Variants in PDE8B observed in about 807,000 individuals in gnomAD.
PDE8B encodes the protein phosphodiesterase 8B, also known as high affinity cAMP-specific and IBMX-insensitive 3',5'-cyclic phosphodiesterase 8B.
In PDE8B, 26 loss-of-function variants were observed where a neutral mutation model predicts 101.3. The ratio of observed to expected loss-of-function variants is 0.26; its 90% CI spans 0.19 to 0.36. PDE8B has a LOEUF of 0.36. PDE8B is among the 10% of genes least tolerant of loss of function. The probability of loss-of-function intolerance (pLI) is 1.00; values close to 1 mark genes in which losing one functional copy is unlikely to be tolerated. For synonymous variants in PDE8B, 424 were observed against 429.3 expected, an observed-to-expected ratio of 0.99 and a Z score of 0.15; for missense variants, 810 against 1,163.1, an observed-to-expected ratio of 0.70 and a Z score of 4.42.
At chr5:77,394,597 C>G (rs138107637) in intron 10 of PDE8B, among the ~76,000 whole-genome samples, 7 of 152,160 alleles carry the variant, frequency 4.6e-5, no homozygotes, top group Non-Finnish European at 1.0e-4. Context: ...TAATATTGCT[C>G]AAAGGGCAGA....
chr5:77,132,412 A>G, the PDE8B span, among the ~76,000 whole-genome samples: 4 of 152,216 alleles, frequency 2.6e-5, no homozygotes, highest in African/African-American at 7.2e-5. Flanking sequence ...TAGTTATAGG[A>G]CAGTTCTTCT....
At chr5:77,342,896 A>C (rs1395988055) in intron 6 of PDE8B, among the ~76,000 whole-genome samples, 1 of 152,212 alleles carries the variant, frequency 6.6e-6, no homozygotes, top group African/African-American at 2.4e-5. Context: ...ACAGCAAAAA[A>C]GGAGAAAAAA....
intron 17 of PDE8B, among the ~76,000 whole-genome samples, chr5:77,416,930 C>G (rs778528444): frequency 3.2e-4 from 49 of 152,146 alleles, no homozygotes; most frequent in Non-Finnish European, 6.8e-4. Flanking sequence ...CTTACGTTTC[C>G]TGAACAGACC....
At chr5:77,375,771 G>T (rs775281924) in intron 10 of PDE8B, among the ~76,000 whole-genome samples, 5 of 151,914 alleles carry the variant, frequency 3.3e-5, no homozygotes, top group South Asian at 4.2e-4. Context: ...GGAAAAAACT[G>T]CTCATGTCAC....
intron 10 of PDE8B, among the ~76,000 whole-genome samples, chr5:77,370,305 C>T (rs987022611): frequency 6.6e-6 from 1 of 152,174 alleles, no homozygotes; most frequent in African/African-American, 2.4e-5. Context: ...TCTTCCTCTT[C>T]CCAATTAATG....
chr5:77,175,724 T>C, the PDE8B span, among the ~76,000 whole-genome samples: 4 of 152,258 alleles, frequency 2.6e-5, no homozygotes. Context: ...AAAATAATTC[T>C]TGGCATATAG....
chr5:77,117,557 G>C, the PDE8B span, among the ~76,000 whole-genome samples: 1 of 152,162 alleles, frequency 6.6e-6, no homozygotes, highest in Admixed American at 6.5e-5. Flanking sequence ...AGGTGTTTAG[G>C]GGGAGGAATA....
At chr5:77,391,946 T>A (rs1183240988) in intron 10 of PDE8B, among the ~76,000 whole-genome samples, 1 of 152,204 alleles carries the variant, frequency 6.6e-6, no homozygotes, top group Non-Finnish European at 1.5e-5. Context: ...TCATTTGGTA[T>A]CATATAAAAA....
At chr5:77,141,116 T>A in the PDE8B span, 1 of 152,228 alleles carries the variant, frequency 6.6e-6, no homozygotes, top group Non-Finnish European at 1.5e-5. Context: ...CTTTCAATAT[T>A]CTAAAATTAT....
intron 6 of PDE8B, among the ~76,000 whole-genome samples, chr5:77,343,618 AT>A: frequency 6.6e-6 from 1 of 152,210 alleles, no homozygotes; most frequent in Non-Finnish European, 1.5e-5. Flanking sequence ...GGCCCAGGGC[AT>A]TATGTGTATA....
rs143762640 is a variant in PDE8B, at chr5:77,369,985, A to G, written c.1167+16579A>G. 8.7e-4 allele frequency among the ~76,000 whole-genome samples: 132 copies of G among 152,340 alleles called. 1 individual carries two copies. Among genetic ancestry groups the G allele is most frequent in the African/African-American group, 3.0e-3 (125 of 41,582 alleles). On this transcript the variant is annotated intron_variant, in intron 10 of 21. Transcript: ENST00000264917. ...AAACACCTGAATAACCACCACCTAG[A>G]TTCTACCGTTAACATTTTACTATAT...
At chr5:77,413,390 A>T in intron 17 of PDE8B, 81 bp downstream of exon 17, 1 of 1,281,226 alleles carries the variant, frequency 7.8e-7, no homozygotes, top group Non-Finnish European at 1.1e-6. Context: ...CATTAGGCAA[A>T]CAGCTATTTT....
chr5:77,310,695 C>A (rs1009099673), intron 1 of PDE8B, among the ~76,000 whole-genome samples: 5 of 152,126 alleles, frequency 3.3e-5, no homozygotes, highest in African/African-American at 7.2e-5. Flanking sequence ...GAGAACCCCC[C>A]ACAGAGGGCC....
chr5:77,143,372 A>T, the PDE8B span, among the ~76,000 whole-genome samples: 1 of 152,248 alleles, frequency 6.6e-6, no homozygotes, highest in Non-Finnish European at 1.5e-5. Context: ...TTGATCTACA[A>T]AGAAAGTTTT....
At chr5:77,378,046 ACACC>A (rs1554093111) in intron 10 of PDE8B, among the ~76,000 whole-genome samples, 18 of 99,564 alleles carry the variant, frequency 1.8e-4, no homozygotes, top group South Asian at 6.5e-4. Context: ...ACACACACAC[ACACC>A]CCCTGTTGGT....
chr5:77,394,352 A>G (rs956103439), intron 10 of PDE8B, among the ~76,000 whole-genome samples: 3 of 152,108 alleles, frequency 2.0e-5, no homozygotes, highest in East Asian at 1.9e-4. Context: ...GCTCATGAGT[A>G]TCTCCTCCTC....
Position 77,309,941 on chromosome 5 carries a change from A to ACCTTTTTTTTTTTTTTTTTTTTTTTTTT in PDE8B, c.340-2053_340-2052insCCTTTTTTTTTTTTTTTTTTTTTTTTTT, listed in dbSNP as rs772985826. ...AACTGGTTTCCCTTTTTAATCATTA[A>ACCTTTTTTTTTTTTTTTTTTTTTTTTTT]TCTTTTTTTTTTTTTTTTTTTTTTT... is the stretch of plus-strand genomic sequence containing the variant. On this transcript the variant is annotated intron_variant, in intron 1 of 21. Transcript: ENST00000264917. 2.2e-4 allele frequency among the ~76,000 whole-genome samples: 18 copies of ACCTTTTTTTTTTTTTTTTTTTTTTTTTT among 83,116 alleles called. 9 individuals carry two copies. The highest frequency in any genetic ancestry group is 3.0e-4 in the Non-Finnish European group (14 of 46,546). 54.5% of individuals were successfully genotyped at this position (83,116 alleles called of 152,430 possible). A position where few individuals can be genotyped will look rare whatever the true frequency, so the allele number is the denominator to read the frequency against.
chr5:77,327,081 C>G (rs1188866028), intron 3 of PDE8B, among the ~76,000 whole-genome samples: 1 of 152,208 alleles, frequency 6.6e-6, no homozygotes, highest in Non-Finnish European at 1.5e-5. Flanking sequence ...AGTGTGTTTC[C>G]TGACCATTAT....
chr5:77,281,084 A>C (rs1764888654), intron 1 of PDE8B, among the ~76,000 whole-genome samples: 1 of 152,174 alleles, frequency 6.6e-6, no homozygotes, highest in Non-Finnish European at 1.5e-5. Context: ...CGCAAGCCCC[A>C]GGCCACAGTG....
Sources: allele counts gnomAD v4.1 joint callset (sites outside exome capture counted in the v4.1 genomes callset), GRCh38; gene constraint gnomAD v4.1.1; transcripts MANE v1.5; gene names NCBI Gene and HGNC (gene_info 2026-07-23, HGNC 2026-07-21).